The following FKBP4 variants were observed in gnomAD, a reference collection of about 807,000 sequenced individuals.
FKBP4 encodes the protein FKBP prolyl isomerase 4.
Under a neutral mutation model 54.1 loss-of-function variants are expected in FKBP4, and 28 were observed. The ratio of observed to expected loss-of-function variants is 0.52; its 90% confidence interval spans 0.38 to 0.71. The LOEUF is 0.71. Among genes scored for constraint, FKBP4 ranks in the 30% least tolerant of loss-of-function variants. The pLI is 0.00. For missense variants in FKBP4, 493 were observed against 574.4 expected (o/e 0.86, Z 1.45); for synonymous variants, 223 against 216.1 (o/e 1.03, Z -0.28).
intron 9 of FKBP4, among the ~76,000 whole-genome samples, chr12:2,802,054 C>G (rs931162299): frequency 6.6e-6 from 1 of 152,200 alleles, no homozygotes; most frequent in South Asian, 2.1e-4. Context: ...CTTTTACATT[C>G]TTTCTTAGGC....
Position 2,798,666 on chromosome 12 carries a change from G to A in FKBP4, c.394-40G>A. 1 of 1,612,096 alleles carries A rather than the reference G, an allele frequency of 6.2e-7. No individual in the cohort carries two copies. The highest frequency in any genetic ancestry group is 2.2e-5 in the East Asian group (1 of 44,854). ...AAAGATTGTGTTTCACTGCCCATGA[G>A]TTAGCATGGGAAGGAATTGTGTCAC... On this transcript the variant is annotated intron_variant, in intron 3 of 9. Coordinates refer to ENST00000001008, the MANE Select transcript of FKBP4 (RefSeq NM_002014.4). This position sits in a 1 kb window ranked among gnomAD's most constrained non-coding sequence, Gnocchi z 4.3.
chr12:2,799,846 C>T lies in FKBP4; in HGVS notation c.672-4C>T. ...ATGATACATAGTGTTTTTCACCCCT[C>T]CAGCTATGCTTTTGGCAGTGTTGGG... On this transcript the variant is annotated splice_polypyrimidine_tract_variant and splice_region_variant and intron_variant, in intron 5 of 9. Coordinates refer to ENST00000001008, the MANE Select transcript of FKBP4 (RefSeq NM_002014.4). The T allele has an allele frequency of 1.2e-6, 2 of 1,613,360 alleles. No homozygotes were observed. The highest frequency in any genetic ancestry group is 1.1e-5 in the South Asian group (1 of 91,026).
Position 2,795,250 on chromosome 12 carries a change from G to A in FKBP4, c.105+6G>A, listed in dbSNP as rs772242543. ...AGGACGAAGGCGTGCTGAAGGTGAG[G>A]GGCGGCGGGGCCTGCGGAGGCGTCG... On this transcript the variant is annotated splice_donor_region_variant and intron_variant, in intron 1 of 9. Coordinates refer to ENST00000001008, the MANE Select transcript of FKBP4 (RefSeq NM_002014.4). The surrounding 1 kb of genome is among the most constrained non-coding windows in gnomAD (Gnocchi z 4.3). 1.5e-6 allele frequency: 2 copies of A among 1,310,922 alleles called. No individual in the cohort carries two copies. The highest frequency in any genetic ancestry group is 2.0e-6 in the Non-Finnish European group (2 of 1,020,476). The allele number at this position is 1,310,922 out of a possible 1,614,324, so 81.2% of individuals were successfully genotyped here.
rs781171025 is a variant in FKBP4, at chr12:2,800,171, T to C, written c.846+49T>C. ...AGGACACTCCCAGGAAGAGTTGCTC[T>C]GAGCCTCCCCTTCCCTTGGTGACTG... On this transcript the variant is annotated intron_variant, in intron 7 of 9. Transcript: ENST00000001008. The C allele has an allele frequency of 3.2e-6, 5 of 1,584,396 alleles. No homozygotes were observed. The South Asian group carries it at 5.5e-5, about 18-fold the overall frequency.
At position 2,798,514 on chromosome 12, in the gene FKBP4, C is replaced by T. The variant is rs1174757581; in HGVS notation, c.394-192C>T. Reference sequence around the variant, plus strand: ...AACTGAAATCTATGTAGTCTGCCCACCTCTACCAAAGTTGAGATTAGGGCA... The same window carrying T: ...AACTGAAATCTATGTAGTCTGCCCATCTCTACCAAAGTTGAGATTAGGGCA... On this transcript the variant is annotated intron_variant, in intron 3 of 9. Transcript: ENST00000001008. The surrounding 1 kb of genome is among the most constrained non-coding windows in gnomAD (Gnocchi z 4.3). Among the ~76,000 whole-genome samples the T allele has an allele frequency of 1.3e-5, 2 of 152,204 alleles. No homozygotes were observed. The highest frequency in any genetic ancestry group is 2.1e-4 in the South Asian group (1 of 4,826).
intron 2 of FKBP4, 96 bp downstream of exon 2, chr12:2,797,378 T>C (rs1053108864): frequency 1.4e-6 from 2 of 1,436,552 alleles, no homozygotes; most frequent in East Asian, 4.6e-5. Flanking sequence ...CAGGGAGGAA[T>C]GGTTTATCAC....
rs2097905961 is a variant in FKBP4, at chr12:2,803,454, A to C, written c.*196A>C. The C allele has an allele frequency of 1.7e-6, 1 of 573,458 alleles. No individual in the cohort carries two copies. Among genetic ancestry groups the C allele is most frequent in the Non-Finnish European group, 3.1e-6 (1 of 319,114 alleles). 35.5% of individuals were successfully genotyped at this position (573,458 alleles called of 1,614,324 possible). A position where few individuals can be genotyped will look rare whatever the true frequency, so the allele number is the denominator to read the frequency against. ...GTGGGGAATCATTTTAGCTGGTGTC[A>C]GCCCCTCTTCCCTTCCTCCATTGCA... On this transcript the variant is annotated 3_prime_UTR_variant, in exon 10 of 10. Transcript: ENST00000001008.
At position 2,798,008 on chromosome 12, in the gene FKBP4, T is replaced by C; in HGVS notation, c.393+137T>C. The C allele has an allele frequency of 9.4e-7, 1 of 1,062,922 alleles. No individual in the cohort carries two copies. Among genetic ancestry groups the C allele is most frequent in the East Asian group, 2.5e-5 (1 of 40,358 alleles). 65.8% of individuals were successfully genotyped at this position (1,062,922 alleles called of 1,614,324 possible). A position where few individuals can be genotyped will look rare whatever the true frequency, so the allele number is the denominator to read the frequency against. ...GGGTCTGGCCTTATGGGAGGAGAAA[T>C]GCAGAGGGCTCTGCTGCTGCTAGTA... On this transcript the variant is annotated intron_variant, in intron 3 of 9. Transcript: ENST00000001008. The surrounding 1 kb of genome is among the most constrained non-coding windows in gnomAD (Gnocchi z 4.3).
intron 2 of FKBP4, 34 bp from the exon 3 acceptor site, chr12:2,797,695 G>A: frequency 1.3e-6 from 2 of 1,593,106 alleles, no homozygotes; most frequent in African/African-American, 1.3e-5. Context: ...TCAGAACCCT[G>A]CTAAGGCGGT....
intron 1 of FKBP4, 59 bp from the exon 2 acceptor site, chr12:2,797,079 G>C: frequency 6.2e-7 from 1 of 1,603,950 alleles, no homozygotes. Flanking sequence ...TGCAGGCAGT[G>C]CTGGTGCCCC....
chr12:2,803,294 C>T lies in FKBP4; in HGVS notation c.*36C>T, dbSNP rs768027685. ...CCAGCCCTACTCCTGCGGCTGCCTG[C>T]CCCCCAGTCTCCCCACTCCACCCTG... On this transcript the variant is annotated 3_prime_UTR_variant, in exon 10 of 10. Coordinates refer to ENST00000001008, the MANE Select transcript of FKBP4 (RefSeq NM_002014.4). 5.0e-6 allele frequency: 7 copies of T among 1,409,098 alleles called. No homozygotes were observed. Among genetic ancestry groups the T allele is most frequent in the Non-Finnish European group, 6.8e-6 (7 of 1,025,172 alleles). 87.3% of individuals were successfully genotyped at this position (1,409,098 alleles called of 1,614,324 possible).
In FKBP4 at chr12:2,795,978, G is replaced by C; in HGVS notation, c.105+734G>C. The C allele has an allele frequency of 9.2e-7, 1 of 1,081,572 alleles. No individual in the cohort carries two copies. Among genetic ancestry groups the C allele is most frequent in the Non-Finnish European group, 1.1e-6 (1 of 884,490 alleles). 67.0% of individuals were successfully genotyped at this position (1,081,572 alleles called of 1,614,324 possible). On this transcript the variant is annotated intron_variant, in intron 1 of 9. Coordinates refer to ENST00000001008, the MANE Select transcript of FKBP4 (RefSeq NM_002014.4). The surrounding 1 kb of genome is among the most constrained non-coding windows in gnomAD (Gnocchi z 4.3). The stretch of plus-strand genomic sequence containing the variant: ...AGCCAGGGCTGCGGGGTGTGGGGCG[G>C]GGAGGAGGCGCTCTGCTGTGGAGCC...
Position 2,799,914 on chromosome 12 carries a change from G to A in FKBP4, c.736G>A (p.Glu246Lys). ...QIPPNAELKY[E>K]LHLKSFEKAK... is the part of the protein sequence containing the mutation. ...CCCACCAAATGCTGAGCTGAAATAT[G>A]AATTACACCTCAAGAGTTTTGAAAA... Residue 246 changes from glutamate to lysine, a missense_variant, in exon 6 of 10, where the codon GAA (glutamate) becomes AAA (lysine). Transcript: ENST00000001008. 1 of 1,614,200 alleles carries A rather than the reference G, an allele frequency of 6.2e-7. No homozygotes were observed. The highest frequency in any genetic ancestry group is 8.5e-7 in the Non-Finnish European group (1 of 1,180,018).
In FKBP4 at chr12:2,799,926, A is replaced by C; in HGVS notation, c.748A>C (p.Lys250Gln). The change falls in exon 6 of 10, where the codon AAG (lysine) becomes CAG (glutamine). Residue 250 changes from lysine to glutamine, a missense_variant. By Grantham distance (53) the Lys-to-Gln change is moderately conservative. Coordinates refer to ENST00000001008, the MANE Select transcript of FKBP4 (RefSeq NM_002014.4). The part of the protein sequence containing the change: ...NAELKYELHL[K>Q]SFEKAKESWE... The stretch of plus-strand genomic sequence containing the variant: ...TGAGCTGAAATATGAATTACACCTC[A>C]AGAGTTTTGAAAAGGTAAGTTTGCT... The C allele has an allele frequency of 1.9e-6, 3 of 1,614,180 alleles. No individual in the cohort carries two copies. The highest frequency in any genetic ancestry group is 2.5e-6 in the Non-Finnish European group (3 of 1,180,000).
In FKBP4 at chr12:2,798,290, G is replaced by C. The variant is rs910805224; in HGVS notation, c.394-416G>C. 2.0e-5 allele frequency among the ~76,000 whole-genome samples: 3 copies of C among 152,214 alleles called. No individual in the cohort carries two copies. Among genetic ancestry groups the C allele is most frequent in the Non-Finnish European group, 4.4e-5 (3 of 68,034 alleles). ...AGGCTTCACTGAGGAGATAGAACTT[G>C]ACATTGTTCAATCTGAAAATGGTTG... On this transcript the variant is annotated intron_variant, in intron 3 of 9. Coordinates refer to ENST00000001008, the MANE Select transcript of FKBP4 (RefSeq NM_002014.4). The surrounding 1 kb of genome is among the most constrained non-coding windows in gnomAD (Gnocchi z 4.3).
rs2097903803 is a variant in FKBP4 at position 2,799,900 on chromosome 12, C to G, written c.722C>G (p.Ala241Gly). Residue 241 changes from alanine to glycine, a missense_variant, in exon 6 of 10, where the codon GCT (alanine) becomes GGT (glycine). By Grantham distance (60) the Ala-to-Gly change is moderately conservative. Transcript: ENST00000001008. ...GAAAAGTTCCAAATCCCACCAAATG[C>G]TGAGCTGAAATATGAATTACACCTC... ...GKEKFQIPPN[A>G]ELKYELHLKS... is the part of the protein sequence containing the mutation. 1 of 1,614,212 alleles carries G rather than the reference C, an allele frequency of 6.2e-7. No homozygotes were observed.
Position 2,798,914 on chromosome 12 carries a change from C to G in FKBP4, c.514+88C>G. On this transcript the variant is annotated intron_variant, in intron 4 of 9. Transcript: ENST00000001008. This position sits in a 1 kb window ranked among gnomAD's most constrained non-coding sequence, Gnocchi z 4.3. Reference sequence around the variant, plus strand: ...GGCAAGACACTTCCGTTCTCCGAGCCTATCTTCTTGTCCATAAAATGAGGG... The same window carrying G: ...GGCAAGACACTTCCGTTCTCCGAGCGTATCTTCTTGTCCATAAAATGAGGG... 7.4e-6 allele frequency: 11 copies of G among 1,486,982 alleles called. No individual in the cohort carries two copies. Among genetic ancestry groups the G allele is most frequent in the Non-Finnish European group, 1.0e-5 (11 of 1,076,330 alleles). 92.1% of individuals were successfully genotyped at this position (1,486,982 alleles called of 1,614,324 possible).
At position 2,799,234 on chromosome 12, in the gene FKBP4, C is replaced by T. The variant is rs1404701697; in HGVS notation, c.661C>T (p.Leu221Phe). The T allele has an allele frequency of 6.6e-7, 1 of 1,516,188 alleles. No homozygotes were observed. The highest frequency in any genetic ancestry group is 8.8e-7 in the Non-Finnish European group (1 of 1,132,616). The allele number at this position is 1,516,188 out of a possible 1,614,324, so 93.9% of individuals were successfully genotyped here. ...GAAAGGAGAACATTCCATCGTGTAC[C>T]TCAAGCCCAGGTGAGGGGTGGGCAC... is the stretch of plus-strand genomic sequence containing the variant. ...MEKGEHSIVY[L>F]KPSYAFGSVG... The change falls in exon 5 of 10, where the codon CTC becomes TTC. Residue 221 changes from leucine to phenylalanine, a missense_variant. Transcript: ENST00000001008.
intron 9 of FKBP4, among the ~76,000 whole-genome samples, chr12:2,802,461 C>T (rs1195524819): frequency 6.6e-6 from 1 of 152,156 alleles, no homozygotes; most frequent in African/African-American, 2.4e-5. Context: ...TAAACCAGCA[C>T]TGTCCAGTAG....
Sources: gnomAD v4.1 joint callset for allele counts (sites outside exome capture counted in the v4.1 genomes callset) on GRCh38, gnomAD v4.1.1 for gene constraint, Gnocchi (gnomAD v3.1) non-coding constraint, MANE v1.5 for transcripts, NCBI Gene and HGNC (gene_info 2026-07-23, HGNC 2026-07-21) for gene names.